TRAPPC12: variants seen among roughly 807,000 people sequenced by gnomAD.
TRAPPC12 encodes the protein trafficking protein particle complex subunit 12, also known as TPR repeat protein 15.
In TRAPPC12, 61 loss-of-function variants were observed where a neutral mutation model predicts 69.2. The observed-to-expected ratio is 0.88, with a 90% CI of 0.72 to 1.09. The LOEUF (loss-of-function observed/expected upper bound fraction) is 1.09. TRAPPC12 is among the 50% of genes least tolerant of loss of function. The probability of loss-of-function intolerance (pLI) is 0.00; values close to 1 mark genes in which losing one functional copy is unlikely to be tolerated. For missense variants in TRAPPC12, 1,101 were observed against 1,016.4 expected (o/e 1.08, Z -1.13); for synonymous variants, 469 against 438.9 (o/e 1.07, Z -0.86).
intron 4 of TRAPPC12, 94 bp downstream of exon 4, chr2:3,422,088 G>A (rs1662831948): frequency 1.1e-6 from 1 of 939,978 alleles, no homozygotes; most frequent in South Asian, 1.5e-5. Context: ...ATAACAAAAA[G>A]TATGTTTTCA....
At chr2:3,448,201 C>T (rs1162604044) in intron 6 of TRAPPC12, among the ~76,000 whole-genome samples, 3 of 152,210 alleles carry the variant, frequency 2.0e-5, no homozygotes, top group Non-Finnish European at 4.4e-5. Context: ...GTTCCCCAGA[C>T]AACTGCAGTG....
intron 5 of TRAPPC12, among the ~76,000 whole-genome samples, chr2:3,441,883 T>C (rs1664230501): frequency 6.6e-6 from 1 of 152,196 alleles, no homozygotes. Context: ...TGATAAGTTG[T>C]ATTTTTATTT....
At chr2:3,457,038 G>T (rs117546354) in intron 6 of TRAPPC12, 7 of 458,536 alleles carry the variant, frequency 1.5e-5, no homozygotes, top group Non-Finnish European at 3.1e-5. Flanking sequence ...TAGGGACTTG[G>T]TGATGTTTAC....
intron 2 of TRAPPC12, among the ~76,000 whole-genome samples, chr2:3,398,843 GC>G (rs1661266706): frequency 6.6e-6 from 1 of 152,216 alleles, no homozygotes; most frequent in Non-Finnish European, 1.5e-5. Context: ...CCTGAACCTT[GC>G]CCTGGATAAA....
intron 9 of TRAPPC12, among the ~76,000 whole-genome samples, chr2:3,470,660 G>A (rs1010709353): frequency 5.3e-5 from 8 of 152,210 alleles, no homozygotes; most frequent in African/African-American, 1.9e-4. Flanking sequence ...TTGTGTGTGA[G>A]TGTGTGTAGC....
In TRAPPC12 at chr2:3,387,678, C is replaced by A. The variant is rs752393610; in HGVS notation, c.55C>A (p.Pro19Thr). Residue 19 changes from proline to threonine, a missense_variant, in exon 2 of 12, where the codon CCT becomes ACT. Coordinates refer to ENST00000324266, the MANE Select transcript of TRAPPC12 (RefSeq NM_016030.6). ...ETPAPEAPHP[P>T]QLAPPEEQGL... ...CCCGGCCCCGGAGGCCCCGCACCCC[C>A]CTCAGCTCGCGCCTCCGGAGGAGCA... The A allele has an allele frequency of 6.4e-7, 1 of 1,558,666 alleles. No individual in the cohort carries two copies. The highest frequency in any genetic ancestry group is 8.7e-7 in the Non-Finnish European group (1 of 1,151,454).
chr2:3,471,004 G>T (rs895162076), intron 9 of TRAPPC12, among the ~76,000 whole-genome samples: 3 of 152,098 alleles, frequency 2.0e-5, no homozygotes, highest in Admixed American at 2.0e-4. Flanking sequence ...TGCATTGAAT[G>T]TAGGTGCCTC....
chr2:3,431,383 G>A (rs887419016), intron 5 of TRAPPC12, among the ~76,000 whole-genome samples: 3 of 152,238 alleles, frequency 2.0e-5, no homozygotes, highest in African/African-American at 7.2e-5. Flanking sequence ...ATCCAGCCCA[G>A]AGGGCGGCAG....
At chr2:3,434,619 C>T (rs1016061936) in intron 5 of TRAPPC12, among the ~76,000 whole-genome samples, 4 of 152,172 alleles carry the variant, frequency 2.6e-5, no homozygotes, top group East Asian at 1.9e-4. Flanking sequence ...CTTGGTTTTG[C>T]GTCTACCTGG....
chr2:3,418,584 G>T (rs1662584461), intron 3 of TRAPPC12, among the ~76,000 whole-genome samples: 1 of 152,186 alleles, frequency 6.6e-6, no homozygotes, highest in Non-Finnish European at 1.5e-5. Context: ...TGCTGTGAAT[G>T]CCCAGCTCTT....
intron 1 of TRAPPC12, among the ~76,000 whole-genome samples, chr2:3,384,048 A>AC (rs1660379126): frequency 6.6e-6 from 1 of 151,372 alleles, no homozygotes; most frequent in African/African-American, 2.4e-5. Context: ...GGCGCCCTCC[A>AC]CCACACCTGG....
At chr2:3,417,383 G>GC (rs1558365511) in intron 3 of TRAPPC12, among the ~76,000 whole-genome samples, 1 of 151,674 alleles carries the variant, frequency 6.6e-6, no homozygotes, top group African/African-American at 2.4e-5. Flanking sequence ...GTGATGCAGC[G>GC]TCTGACCACG....
rs369646435 is a variant in TRAPPC12 at position 3,409,027 on chromosome 2, G to A, written c.1164+7134G>A. 5.0e-4 allele frequency among the ~76,000 whole-genome samples: 76 copies of A among 152,296 alleles called. 1 individual carries two copies. The South Asian group carries it at 0.014, about 27-fold the overall frequency. ...GCCCGGCCAGGGGCAGTCTCCTGGCGGCTGTGATCCTCTTCCTGAGGCTGC... is the reference window on the plus strand; with the variant it reads ...GCCCGGCCAGGGGCAGTCTCCTGGCAGCTGTGATCCTCTTCCTGAGGCTGC... On this transcript the variant is annotated intron_variant, in intron 3 of 11. Transcript: ENST00000324266.
intron 3 of TRAPPC12, among the ~76,000 whole-genome samples, chr2:3,421,449 TC>T (rs1333822301): frequency 6.6e-6 from 1 of 152,254 alleles, no homozygotes; most frequent in East Asian, 1.9e-4. Context: ...CATATGCAAA[TC>T]TTACAGATAC....
At position 3,388,576 on chromosome 2, in the gene TRAPPC12, GA is replaced by G; in HGVS notation, c.954del (p.Val319SerfsTer38). ...TGGCTTCCCGGCGAGGCTACGCGTGGAGTCCTGCGGGCCGTGGCCACCCAGC... is the reference window on the plus strand; with the variant it reads ...TGGCTTCCCGGCGAGGCTACGCGTGGGTCCTGCGGGCCGTGGCCACCCAGC... The part of the protein sequence containing the change: ...DAWLPGEATR[G>X]VLRAVATQQR... On this transcript the variant is annotated frameshift_variant, in exon 2 of 12. Coordinates refer to ENST00000324266, the MANE Select transcript of TRAPPC12 (RefSeq NM_016030.6). LOFTEE classifies it high-confidence loss of function. 3 of 1,612,224 alleles carry G rather than the reference GA, an allele frequency of 1.9e-6. No individual in the cohort carries two copies. The highest frequency in any genetic ancestry group is 2.5e-6 in the Non-Finnish European group (3 of 1,179,416).
intron 2 of TRAPPC12, among the ~76,000 whole-genome samples, chr2:3,396,469 T>G (rs967415950): frequency 6.6e-6 from 1 of 152,212 alleles, no homozygotes; most frequent in East Asian, 1.9e-4. Flanking sequence ...ATTGGCTGTT[T>G]TGGATCTGAG....
chr2:3,453,711 A>C (rs972699152), intron 6 of TRAPPC12, among the ~76,000 whole-genome samples: 1 of 152,210 alleles, frequency 6.6e-6, no homozygotes, highest in South Asian at 2.1e-4. Context: ...GTCTGGGGCA[A>C]AAGGAACCAA....
chr2:3,388,716 G>T, intron 2 of TRAPPC12, 46 bp downstream of exon 2: 9 of 1,477,206 alleles, frequency 6.1e-6, no homozygotes, highest in Non-Finnish European at 8.1e-6. Context: ...TCCTCTCTGC[G>T]TCTGTGAGAT....
intron 3 of TRAPPC12, among the ~76,000 whole-genome samples, chr2:3,409,750 TAAA>T (rs71396989): frequency 0.011 from 592 of 54,866 alleles, 17 homozygotes; most frequent in African/African-American, 0.034. Context: ...ACTTTGTCTT[TAAA>T]AAAAAAAAAA....
Sources: allele counts gnomAD v4.1 joint callset (sites outside exome capture counted in the v4.1 genomes callset), GRCh38; gene constraint gnomAD v4.1.1; transcripts MANE v1.5; gene names NCBI Gene and HGNC (gene_info 2026-07-23, HGNC 2026-07-21).